Variants in TMEM132D observed in about 807,000 individuals in gnomAD.
TMEM132D encodes the protein transmembrane protein 132D.
In TMEM132D, 21 loss-of-function variants were observed where a neutral mutation model predicts 62.3. The observed-to-expected ratio is 0.34, with a 90% confidence interval of 0.24 to 0.49. The LOEUF is 0.49. Ranked by LOEUF, TMEM132D falls within the 20% of genes least tolerant of loss-of-function variation. The pLI, the probability that TMEM132D is intolerant of heterozygous loss-of-function variation, is 0.99. For synonymous variants in TMEM132D, 621 were observed against 575.6 expected (o/e 1.08, Z -1.13); for missense variants, 1,346 against 1,402.8 (o/e 0.96, Z 0.65).
intron 3 of TMEM132D, among the ~76,000 whole-genome samples, chr12:129,502,832 C>A (rs1210313983): frequency 6.6e-6 from 1 of 152,168 alleles, no homozygotes; most frequent in Admixed American, 6.5e-5. Flanking sequence ...TCATGCCACT[C>A]CCTCCCCTAG....
At chr12:129,646,800 A>ATTTTTT (rs35593697) in intron 2 of TMEM132D, among the ~76,000 whole-genome samples, 1 of 135,770 alleles carries the variant, frequency 7.4e-6, no homozygotes, top group Non-Finnish European at 1.6e-5. Flanking sequence ...AATAACATGC[A>ATTTTTT]TTTTTTTTTT....
chr12:129,670,618 C>T (rs982887924), intron 2 of TMEM132D, among the ~76,000 whole-genome samples: 2 of 152,142 alleles, frequency 1.3e-5, no homozygotes, highest in African/African-American at 4.8e-5. Context: ...CTCTACTCCC[C>T]GAATGCTTGG....
intron 3 of TMEM132D, among the ~76,000 whole-genome samples, chr12:129,445,165 A>G (rs1298069556): frequency 6.6e-6 from 1 of 152,182 alleles, no homozygotes; most frequent in Non-Finnish European, 1.5e-5. Flanking sequence ...TTGCAGCAAC[A>G]TGGATAGAGC....
chr12:129,151,295 C>T (rs1233879311), intron 5 of TMEM132D, among the ~76,000 whole-genome samples: 1 of 152,198 alleles, frequency 6.6e-6, no homozygotes, highest in Non-Finnish European at 1.5e-5. Flanking sequence ...TAGGTTATTT[C>T]ATTAAAGACA....
At position 129,188,754 on chromosome 12, in the gene TMEM132D, GGAGAGAGGGAGA is replaced by G. The variant is rs1264816830; in HGVS notation, c.1443+20754_1443+20765del. ...GAGAGGGAAGGAGGGAGAGGGGGAG[GGAGAGAGGGAGA>G]GAGAGAGAGAGAGAGAGAGAGAGAG... On this transcript the variant is annotated intron_variant, in intron 5 of 8. Transcript: ENST00000422113. Among the ~76,000 whole-genome samples the G allele has an allele frequency of 8.4e-3, 1,025 of 122,518 alleles. 9 individuals are homozygous for G. Among genetic ancestry groups the G allele is most frequent in the East Asian group, 0.013 (58 of 4,450 alleles). 80.4% of individuals were successfully genotyped at this position (122,518 alleles called of 152,430 possible).
intron 3 of TMEM132D, among the ~76,000 whole-genome samples, chr12:129,451,071 C>T (rs1376260024): frequency 1.3e-5 from 2 of 152,110 alleles, no homozygotes; most frequent in African/African-American, 4.8e-5. Flanking sequence ...CAATTTTCAT[C>T]ACTTCTTATG....
intron 2 of TMEM132D, among the ~76,000 whole-genome samples, chr12:129,575,339 G>T (rs977366759): frequency 6.6e-6 from 1 of 151,938 alleles, no homozygotes; most frequent in Middle Eastern, 3.4e-3. Context: ...CAGCTTGGCT[G>T]ATGGCACCTG....
chr12:129,536,947 G>A (rs542685731), intron 2 of TMEM132D, among the ~76,000 whole-genome samples: 20 of 152,116 alleles, frequency 1.3e-4, no homozygotes, highest in South Asian at 1.0e-3. Flanking sequence ...ACCTGAGGCC[G>A]GGAGTTCAAG....
intron 1 of TMEM132D, among the ~76,000 whole-genome samples, chr12:129,725,477 A>G (rs898295998): frequency 1.3e-5 from 2 of 152,258 alleles, no homozygotes; most frequent in African/African-American, 2.4e-5. Flanking sequence ...AAGGCACACC[A>G]TTGGCTCTCA....
Position 129,232,676 on chromosome 12 carries a change from A to G in TMEM132D, c.1300-23013T>C, listed in dbSNP as rs541182920. Among the ~76,000 whole-genome samples, 21 of 152,306 alleles carry G rather than the reference A, an allele frequency of 1.4e-4. No homozygotes were observed. In the South Asian group the frequency reaches 2.5e-3, roughly 18 times the overall value. On this transcript the variant is annotated intron_variant, in intron 4 of 8. Transcript: ENST00000422113. The stretch of plus-strand genomic sequence containing the variant: ...TATTAGTTTGTTCTCCCACTGCTAT[A>G]AAGATACTACCCGAAACTGGGTAAT...
At chr12:129,104,378 T>C (rs113974684) in intron 5 of TMEM132D, among the ~76,000 whole-genome samples, 2 of 151,988 alleles carry the variant, frequency 1.3e-5, no homozygotes, top group Admixed American at 6.6e-5. Context: ...TTACACCTTA[T>C]ACAAAAATCA....
chr12:129,337,659 A>C lies in TMEM132D; in HGVS notation c.1274T>G (p.Leu425Trp), dbSNP rs768587510. 1.9e-6 allele frequency: 3 copies of C among 1,613,926 alleles called. No homozygotes were observed. The highest frequency in any genetic ancestry group is 2.5e-6 in the Non-Finnish European group (3 of 1,179,938). The change falls in exon 4 of 9, where the codon TTG becomes TGG. Residue 425 changes from leucine (L) to tryptophan (W), a missense_variant. By Grantham distance (61) the Leu-to-Trp change is moderately conservative (BLOSUM62 -2). Transcript: ENST00000422113. ...CATAGCCAGCGGCACAACTCCAATC[A>C]AGTCCTTTGGGCTCACATAGATCTT... ...VSKIYVSPKD[L>W]IGVVPLAMEA...
At chr12:129,572,251 T>C (rs1257427710) in intron 2 of TMEM132D, among the ~76,000 whole-genome samples, 1 of 152,234 alleles carries the variant, frequency 6.6e-6, no homozygotes, top group Admixed American at 6.5e-5. Context: ...AGCTTCATGC[T>C]GTGCACAGTG....
At chr12:129,367,017 C>A (rs1193453084) in intron 3 of TMEM132D, among the ~76,000 whole-genome samples, 1 of 152,158 alleles carries the variant, frequency 6.6e-6, no homozygotes. Flanking sequence ...TCTGAGACAA[C>A]GAATGGACTG....
chr12:129,144,085 T>C (rs889966312), intron 5 of TMEM132D, among the ~76,000 whole-genome samples: 1 of 151,970 alleles, frequency 6.6e-6, no homozygotes, highest in Non-Finnish European at 1.5e-5. Flanking sequence ...AGATGTTACA[T>C]CCTCCCCCAC....
intron 4 of TMEM132D, among the ~76,000 whole-genome samples, chr12:129,233,534 A>C (rs1364459849): frequency 6.6e-6 from 1 of 152,244 alleles, no homozygotes; most frequent in Non-Finnish European, 1.5e-5. Context: ...AAGTCTGAAA[A>C]GAACAAGGTG....
At chr12:129,280,127 A>C (rs1250889918) in intron 4 of TMEM132D, among the ~76,000 whole-genome samples, 2 of 152,224 alleles carry the variant, frequency 1.3e-5, no homozygotes, top group African/African-American at 4.8e-5. Flanking sequence ...TATAGTATTT[A>C]ATGTTCTAAT....
chr12:129,206,493 C>T (rs1030992077), intron 5 of TMEM132D, among the ~76,000 whole-genome samples: 11 of 152,256 alleles, frequency 7.2e-5, no homozygotes, highest in East Asian at 3.9e-4. Flanking sequence ...AATGCTGATA[C>T]GGTGCTGGTG....
intron 3 of TMEM132D, among the ~76,000 whole-genome samples, chr12:129,421,477 A>G (rs1159032783): frequency 6.6e-6 from 1 of 152,202 alleles, no homozygotes; most frequent in Admixed American, 6.5e-5. Flanking sequence ...ATGCTATGAC[A>G]TTGCTTGGGT....
Sources: allele counts gnomAD v4.1 joint callset (sites outside exome capture counted in the v4.1 genomes callset), GRCh38; gene constraint gnomAD v4.1.1; transcripts MANE v1.5; gene names NCBI Gene and HGNC (gene_info 2026-07-23, HGNC 2026-07-21).